PRKCB: variants seen among roughly 807,000 people sequenced by gnomAD.
PRKCB encodes the protein protein kinase C beta type.
PRKCB carries 13 observed loss-of-function variants against 81.5 expected under a neutral mutation model. The ratio of observed to expected loss-of-function variants is 0.16; its 90% CI spans 0.10 to 0.25. The LOEUF (loss-of-function observed/expected upper bound fraction) is 0.25. Among genes scored for constraint, PRKCB ranks in the 10% least tolerant of loss-of-function variants. The probability of loss-of-function intolerance (pLI) is 1.00; values close to 1 mark genes in which losing one functional copy is unlikely to be tolerated. For synonymous variants in PRKCB, 335 were observed against 321.4 expected (o/e 1.04, Z -0.45); for missense variants, 509 against 875.7 (o/e 0.58, Z 5.29).
Position 24,216,474 on chromosome 16 carries a change from A to T in PRKCB, c.*1658A>T. 1.0e-6 allele frequency: 1 copy of T among 985,382 alleles called. No individual in the cohort carries two copies. The highest frequency in any genetic ancestry group is 1.2e-6 in the Non-Finnish European group (1 of 829,914). 61.0% of individuals were successfully genotyped at this position (985,382 alleles called of 1,614,324 possible). ...TGTCCTGCTATTCTCAGGCAGCTCTAAGGAGAATTCTTATCACAGTTCAAG... is the reference window on the plus strand; with the variant it reads ...TGTCCTGCTATTCTCAGGCAGCTCTTAGGAGAATTCTTATCACAGTTCAAG... On this transcript the variant is annotated 3_prime_UTR_variant, in exon 17 of 17. Transcript: ENST00000643927.
chr16:23,947,362 C>G (rs757076423), intron 2 of PRKCB, among the ~76,000 whole-genome samples: 1 of 152,184 alleles, frequency 6.6e-6, no homozygotes. Flanking sequence ...TAGTTTGCTG[C>G]GGAAGATCTG....
At chr16:24,087,263 A>C (rs1408935014) in intron 5 of PRKCB, among the ~76,000 whole-genome samples, 5 of 152,216 alleles carry the variant, frequency 3.3e-5, no homozygotes, top group African/African-American at 7.2e-5. Flanking sequence ...TCTTTCTTAA[A>C]CAAAGAGGCA....
rs369307155 is a variant in PRKCB at position 23,855,154 on chromosome 16, A to T, written c.205+17748A>T. On this transcript the variant is annotated intron_variant, in intron 2 of 16. Transcript: ENST00000643927. Reference sequence around the variant, plus strand: ...AGAGAATAAAGAGAGCCGGCGGGGGAGGGGGTGGCAGGAGAGAGAGAGAGA... The same window carrying T: ...AGAGAATAAAGAGAGCCGGCGGGGGTGGGGGTGGCAGGAGAGAGAGAGAGA... 9.7e-4 allele frequency among the ~76,000 whole-genome samples: 142 copies of T among 146,476 alleles called. 1 individual carries two copies. The highest frequency in any genetic ancestry group is 3.5e-3 in the African/African-American group (138 of 39,784).
In PRKCB at chr16:24,185,387, C is replaced by T. The variant is rs1363180321; in HGVS notation, c.1615-73C>T. 1.9e-5 allele frequency: 26 copies of T among 1,402,524 alleles called. No individual in the cohort carries two copies. The Admixed American group carries it at 4.5e-4, about 25-fold the overall frequency. 86.9% of individuals were successfully genotyped at this position (1,402,524 alleles called of 1,614,324 possible). On this transcript the variant is annotated intron_variant, in intron 14 of 16. Transcript: ENST00000643927. ...CACTGTGGGCCCCAGGGAGGAGGGT[C>T]TGCCAGTTGAGGGGAGCTAGGGGGA... is the stretch of plus-strand genomic sequence containing the variant.
chr16:23,884,384 A>G (rs1597227510), intron 2 of PRKCB, among the ~76,000 whole-genome samples: 2 of 152,328 alleles, frequency 1.3e-5, no homozygotes, highest in Admixed American at 1.3e-4. Flanking sequence ...TCCAAAGCAG[A>G]TCAACCCCAA....
chr16:24,075,733 G>A (rs760361063), intron 5 of PRKCB, among the ~76,000 whole-genome samples: 6 of 152,166 alleles, frequency 3.9e-5, no homozygotes, highest in Non-Finnish European at 7.3e-5. Context: ...GTCAAAGTTA[G>A]CCTGATTAAT....
In PRKCB at chr16:24,110,128, A is replaced by ACTGTG. The variant is rs1473197960; in HGVS notation, c.822-2845_822-2844insCTGTG. Reference sequence around the variant, plus strand: ...AGACCGTGGGGAGAGGGAGAGGGAGAGGGAGAGGGAGAGGAGGGAGAGGAG... The same window carrying ACTGTG: ...AGACCGTGGGGAGAGGGAGAGGGAGACTGTGGGGAGAGGGAGAGGAGGGAGAGGAG... On this transcript the variant is annotated intron_variant, in intron 7 of 16. Coordinates refer to ENST00000643927, the MANE Select transcript of PRKCB (RefSeq NM_002738.7). Among the ~76,000 whole-genome samples, 96 of 81,676 alleles carry ACTGTG rather than the reference A, an allele frequency of 1.2e-3. 1 individual carries two copies. The highest frequency in any genetic ancestry group is 7.1e-3 in the African/African-American group (80 of 11,324). The allele number at this position is 81,676 out of a possible 152,430, so 53.6% of individuals were successfully genotyped here. A position where few individuals can be genotyped will look rare whatever the true frequency, so the allele number is the denominator to read the frequency against.
intron 2 of PRKCB, among the ~76,000 whole-genome samples, chr16:23,842,621 C>A (rs1567286627): frequency 6.6e-6 from 1 of 152,100 alleles, no homozygotes; most frequent in Non-Finnish European, 1.5e-5. Flanking sequence ...TAGAAAAACC[C>A]CAGTGTACAA....
chr16:24,008,089 T>TAC (rs554096188), intron 3 of PRKCB, among the ~76,000 whole-genome samples: 106 of 152,368 alleles, frequency 7.0e-4, no homozygotes, highest in African/African-American at 2.4e-3. Context: ...CATTCTTCAT[T>TAC]ACACCCTGTG....
chr16:24,093,681 C>T (rs188590760), intron 6 of PRKCB, among the ~76,000 whole-genome samples: 1 of 152,256 alleles, frequency 6.6e-6, no homozygotes, highest in Non-Finnish European at 1.5e-5. Context: ...CTTGTCCTGT[C>T]TCCTCTTCCC....
chr16:24,055,877 A>T (rs1410519717), intron 5 of PRKCB, among the ~76,000 whole-genome samples: 1 of 152,122 alleles, frequency 6.6e-6, no homozygotes, highest in Non-Finnish European at 1.5e-5. Context: ...CCTGCACTAC[A>T]ACAGCCTACT....
At chr16:24,027,318 A>G (rs1965494222) in intron 3 of PRKCB, among the ~76,000 whole-genome samples, 1 of 152,198 alleles carries the variant, frequency 6.6e-6, no homozygotes, top group Admixed American at 6.5e-5. Flanking sequence ...GTGAATGTCC[A>G]AGAAGCACAA....
chr16:23,877,536 C>G (rs138121511), intron 2 of PRKCB, among the ~76,000 whole-genome samples: 1 of 152,102 alleles, frequency 6.6e-6, no homozygotes, highest in Non-Finnish European at 1.5e-5. Context: ...TCCCAAAAGT[C>G]GGCCTCAACC....
At chr16:24,042,521 TAAC>T (rs1482485916) in intron 5 of PRKCB, among the ~76,000 whole-genome samples, 9 of 152,344 alleles carry the variant, frequency 5.9e-5, no homozygotes, top group Admixed American at 6.5e-5. Flanking sequence ...ATTCTGTCGT[TAAC>T]GTTTCCACAC....
intron 9 of PRKCB, among the ~76,000 whole-genome samples, chr16:24,136,259 G>A (rs1966864493): frequency 6.6e-6 from 1 of 152,040 alleles, no homozygotes; most frequent in African/African-American, 2.4e-5. Context: ...ACAAGATAAG[G>A]TTCATTTTTC....
chr16:24,179,415 A>G (rs1967584567), intron 12 of PRKCB, among the ~76,000 whole-genome samples: 1 of 152,258 alleles, frequency 6.6e-6, no homozygotes, highest in Non-Finnish European at 1.5e-5. Flanking sequence ...GACCGAAGGG[A>G]AAGATCTGAA....
chr16:23,954,076 G>C (rs1387810097), intron 2 of PRKCB, among the ~76,000 whole-genome samples: 1 of 151,852 alleles, frequency 6.6e-6, no homozygotes, highest in Non-Finnish European at 1.5e-5. Flanking sequence ...TTAAGTTTTA[G>C]GGTACATGTG....
At chr16:24,007,401 G>C (rs1210231839) in intron 3 of PRKCB, among the ~76,000 whole-genome samples, 1 of 152,242 alleles carries the variant, frequency 6.6e-6, no homozygotes, top group Non-Finnish European at 1.5e-5. Context: ...GGGCTGGTTG[G>C]AGAGAGGGGC....
chr16:23,992,324 G>A (rs1964896585), intron 3 of PRKCB, among the ~76,000 whole-genome samples: 1 of 152,138 alleles, frequency 6.6e-6, no homozygotes, highest in African/African-American at 2.4e-5. Context: ...AATTGGTTTC[G>A]GGGATTTGGT....
Sources: gnomAD v4.1 joint callset for allele counts (sites outside exome capture counted in the v4.1 genomes callset) on GRCh38, gnomAD v4.1.1 for gene constraint, MANE v1.5 for transcripts, NCBI Gene and HGNC (gene_info 2026-07-23, HGNC 2026-07-21) for gene names.